Variants in AGPS observed in about 807,000 individuals in gnomAD.
AGPS encodes the protein alkylglycerone phosphate synthase, also known as alkyldihydroxyacetonephosphate synthase, peroxisomal.
A neutral mutation model predicts 90.7 loss-of-function variants in AGPS; 26 were observed. The ratio of observed to expected loss-of-function variants is 0.29; its 90% CI spans 0.21 to 0.40. The LOEUF is 0.40. AGPS is among the 10% of genes least tolerant of loss of function. The pLI is 1.00. For synonymous variants in AGPS, 294 were observed against 285.3 expected, an observed-to-expected ratio of 1.03 and a Z score of -0.31; for missense variants, 540 against 816.1, an observed-to-expected ratio of 0.66 and a Z score of 4.12.
At chr2:177,509,865 T>G (rs1688820527) in intron 16 of AGPS, among the ~76,000 whole-genome samples, 1 of 152,080 alleles carries the variant, frequency 6.6e-6, no homozygotes, top group Admixed American at 6.5e-5. Context: ...AGGCAGACAT[T>G]TTAACGGAGC....
intron 5 of AGPS, 121 bp from the exon 6 acceptor site, chr2:177,440,844 G>A (rs113761262): frequency 5.1e-6 from 4 of 780,046 alleles, no homozygotes; most frequent in African/African-American, 1.7e-5. Context: ...AACTCATTGT[G>A]TTAATGAGCA....
intron 1 of AGPS, among the ~76,000 whole-genome samples, chr2:177,411,553 G>A (rs536694383): frequency 6.6e-6 from 1 of 152,300 alleles, no homozygotes; most frequent in Non-Finnish European, 1.5e-5. Context: ...ACCTGACTGA[G>A]ATACCAGAGA....
intron 16 of AGPS, among the ~76,000 whole-genome samples, chr2:177,509,008 TAC>T (rs1688788430): frequency 1.3e-5 from 2 of 152,208 alleles, no homozygotes; most frequent in Non-Finnish European, 1.5e-5. Flanking sequence ...ATTTATAAAG[TAC>T]TTTAAATCTA....
chr2:177,491,868 C>T lies in AGPS; in HGVS notation c.1234-1280C>T, dbSNP rs752459834. ...TGGCACAATCTTCGCTCACTGCAAACTCTGCTTCCCAGGTTCAAGTGATTC... is the reference window on the plus strand; with the variant it reads ...TGGCACAATCTTCGCTCACTGCAAATTCTGCTTCCCAGGTTCAAGTGATTC... On this transcript the variant is annotated intron_variant, in intron 11 of 19. Transcript: ENST00000264167. 1.4e-5 allele frequency among the ~76,000 whole-genome samples: 2 copies of T among 147,200 alleles called. 1 individual carries two copies. The highest frequency in any genetic ancestry group is 3.0e-5 in the Non-Finnish European group (2 of 67,214).
chr2:177,441,007 A>G lies in AGPS; in HGVS notation c.680A>G (p.Lys227Arg), dbSNP rs757432689. The G allele has an allele frequency of 5.0e-6, 8 of 1,612,862 alleles. No individual in the cohort carries two copies. Among genetic ancestry groups the G allele is most frequent in the South Asian group, 3.3e-5 (3 of 91,006 alleles). Residue 227 changes from lysine (K) to arginine (R), a missense_variant, in exon 6 of 20, where the codon AAA becomes AGA. Coordinates refer to ENST00000264167, the MANE Select transcript of AGPS (RefSeq NM_003659.4). Reference protein sequence around the residue: ...DVVKIVNLACKYNLCIIPIGG... With the variant: ...DVVKIVNLACRYNLCIIPIGG... ...GTTAAGATTGTGAATCTAGCTTGCA[A>G]ATATAATCTTTGTATCATACCAATT...
chr2:177,478,092 A>G (rs905238498), intron 10 of AGPS, among the ~76,000 whole-genome samples: 5 of 151,998 alleles, frequency 3.3e-5, no homozygotes, highest in African/African-American at 9.7e-5. Context: ...TTTTGTTTTC[A>G]TTTTCGAAAG....
intron 1 of AGPS, among the ~76,000 whole-genome samples, chr2:177,394,371 G>A (rs995257324): frequency 1.4e-4 from 21 of 152,166 alleles, no homozygotes; most frequent in African/African-American, 4.3e-4. Flanking sequence ...TTGGATGTTT[G>A]CATTACTAAT....
chr2:177,454,577 A>G (rs1049409443), intron 8 of AGPS, among the ~76,000 whole-genome samples: 1 of 150,134 alleles, frequency 6.7e-6, no homozygotes, highest in Admixed American at 6.6e-5. Flanking sequence ...GGTAATTTTT[A>G]TTTTTATTTT....
intron 2 of AGPS, among the ~76,000 whole-genome samples, chr2:177,422,057 C>T (rs1309910176): frequency 6.6e-6 from 1 of 151,894 alleles, no homozygotes; most frequent in Admixed American, 6.6e-5. Flanking sequence ...GTAATTATAC[C>T]TTAGTGGGTC....
chr2:177,526,130 TA>T (rs1489668704), intron 19 of AGPS, among the ~76,000 whole-genome samples: 3 of 151,876 alleles, frequency 2.0e-5, no homozygotes, highest in Non-Finnish European at 4.4e-5. Context: ...TTCACAGAAA[TA>T]AAAGTTAATT....
At chr2:177,446,669 G>A (rs1376407293) in intron 8 of AGPS, among the ~76,000 whole-genome samples, 2 of 152,166 alleles carry the variant, frequency 1.3e-5, no homozygotes, top group African/African-American at 2.4e-5. Context: ...CTGCTGTGTG[G>A]TGAAATGGGT....
At chr2:177,514,647 T>C (rs76080796) in intron 17 of AGPS, among the ~76,000 whole-genome samples, 2,903 of 152,264 alleles carry the variant, frequency 0.019, 79 homozygotes, top group Non-Finnish European at 0.024. Flanking sequence ...GTGTGTGTTT[T>C]TGTTTTTGTC....
At chr2:177,405,790 T>G (rs1475686663) in intron 1 of AGPS, among the ~76,000 whole-genome samples, 1 of 152,172 alleles carries the variant, frequency 6.6e-6, no homozygotes. Context: ...CTGCATTTTC[T>G]TCCTTAATCA....
intron 14 of AGPS, among the ~76,000 whole-genome samples, chr2:177,501,868 A>G (rs1233806386): frequency 6.6e-6 from 1 of 152,104 alleles, no homozygotes; most frequent in Non-Finnish European, 1.5e-5. Flanking sequence ...GGGTTTCACC[A>G]TGTTGGTCAG....
At chr2:177,456,994 C>G (rs1251377491) in intron 8 of AGPS, among the ~76,000 whole-genome samples, 1 of 152,330 alleles carries the variant, frequency 6.6e-6, no homozygotes, top group Middle Eastern at 3.4e-3. Context: ...CAAACAATCT[C>G]TCAGACCACA....
chr2:177,419,377 T>C (rs955406299), intron 1 of AGPS, among the ~76,000 whole-genome samples: 1 of 151,926 alleles, frequency 6.6e-6, no homozygotes, highest in Non-Finnish European at 1.5e-5. Context: ...AACTGCATAG[T>C]TGAATTTGTA....
At chr2:177,459,209 A>G (rs1559055512) in intron 8 of AGPS, among the ~76,000 whole-genome samples, 2 of 152,254 alleles carry the variant, frequency 1.3e-5, no homozygotes, top group African/African-American at 4.8e-5. Flanking sequence ...ACCTAGGACC[A>G]TAAAAATCCT....
At chr2:177,455,712 C>T (rs1687091158) in intron 8 of AGPS, among the ~76,000 whole-genome samples, 1 of 151,950 alleles carries the variant, frequency 6.6e-6, no homozygotes, top group African/African-American at 2.4e-5. Flanking sequence ...TTTTTCATCA[C>T]ACTTCTAATT....
rs114792031 is a variant in AGPS, at chr2:177,410,136, C to G, written c.261-10133C>G. ...AGGGTCCCCATTCTGTTTCTCCTGC[C>G]GAGTACTGCAGCTTGGTTTCCCGGA... is the stretch of plus-strand genomic sequence containing the variant. On this transcript the variant is annotated intron_variant, in intron 1 of 19. Transcript: ENST00000264167. 7.1e-3 allele frequency among the ~76,000 whole-genome samples: 1,080 copies of G among 152,234 alleles called. 8 individuals carry two copies. Among genetic ancestry groups the G allele is most frequent in the African/African-American group, 0.024 (1,016 of 41,522 alleles).
Sources: allele counts gnomAD v4.1 joint callset (sites outside exome capture counted in the v4.1 genomes callset), GRCh38; gene constraint gnomAD v4.1.1; transcripts MANE v1.5; gene names NCBI Gene and HGNC (gene_info 2026-07-23, HGNC 2026-07-21).